The following TYW1 variants were observed in gnomAD, a reference collection of about 807,000 sequenced individuals.
The protein encoded by TYW1 is S-adenosyl-L-methionine-dependent tRNA 4-demethylwyosine synthase TYW1.
TYW1 carries 46 observed loss-of-function variants against 96.2 expected under a neutral mutation model. The observed-to-expected ratio is 0.48, with a 90% CI of 0.38 to 0.61. The LOEUF is 0.61. Among genes scored for constraint, TYW1 ranks in the 20% least tolerant of loss-of-function variants. The pLI, the probability that TYW1 is intolerant of heterozygous loss-of-function variation, is 0.00. For synonymous variants in TYW1, 274 were observed against 323.0 expected (o/e 0.85, Z 1.63); for missense variants, 684 against 909.6 (o/e 0.75, Z 3.19).
At chr7:67,038,386 T>A (rs1742469992) in intron 7 of TYW1, among the ~76,000 whole-genome samples, 1 of 150,846 alleles carries the variant, frequency 6.6e-6, no homozygotes, top group African/African-American at 2.4e-5. Flanking sequence ...TGGGTGGATC[T>A]CTTGACCCCT....
At chr7:67,191,167 C>T (rs1424742878) in intron 14 of TYW1, among the ~76,000 whole-genome samples, 3 of 152,292 alleles carry the variant, frequency 2.0e-5, no homozygotes, top group African/African-American at 7.2e-5. Flanking sequence ...GACAGAGAGA[C>T]AGACAGATGG....
chr7:67,130,379 AAAAC>A (rs59745671), intron 13 of TYW1, among the ~76,000 whole-genome samples: 41,528 of 150,630 alleles, frequency 0.28, 6,505 homozygotes, highest in African/African-American at 0.44. Context: ...TCCATCTCAA[AAAAC>A]AAACAGATGG....
chr7:67,147,184 A>G (rs1285096040), intron 13 of TYW1, among the ~76,000 whole-genome samples: 1 of 152,200 alleles, frequency 6.6e-6, no homozygotes, highest in Admixed American at 6.5e-5. Flanking sequence ...AAAAATAACA[A>G]TACAACAGTA....
chr7:67,214,717 A>G (rs1462423762), intron 15 of TYW1, among the ~76,000 whole-genome samples: 3 of 150,864 alleles, frequency 2.0e-5, no homozygotes, highest in Non-Finnish European at 4.4e-5. Flanking sequence ...TAAATCAGTT[A>G]CAATTTTGTC....
chr7:67,046,695 T>C (rs1418395837), intron 7 of TYW1, among the ~76,000 whole-genome samples: 1 of 152,196 alleles, frequency 6.6e-6, no homozygotes, highest in African/African-American at 2.4e-5. Context: ...TGCGGAGTGT[T>C]ATAAACCATT....
At chr7:67,040,047 C>T (rs1794965810) in intron 7 of TYW1, among the ~76,000 whole-genome samples, 1 of 151,916 alleles carries the variant, frequency 6.6e-6, no homozygotes. Flanking sequence ...GCCTCCGCCT[C>T]CTGGGTTCAA....
At chr7:67,209,480 AG>A (rs199945016) in intron 15 of TYW1, among the ~76,000 whole-genome samples, 5 of 152,246 alleles carry the variant, frequency 3.3e-5, no homozygotes, top group African/African-American at 9.6e-5. Flanking sequence ...AGCGGGTCAC[AG>A]GCCAGTGGAA....
At chr7:67,142,890 A>G (rs1245565995) in intron 13 of TYW1, among the ~76,000 whole-genome samples, 4 of 152,068 alleles carry the variant, frequency 2.6e-5, no homozygotes, top group Middle Eastern at 3.2e-3. Flanking sequence ...CATCTCTACT[A>G]AAAACACAAA....
chr7:67,187,086 T>C (rs1245237337), intron 14 of TYW1, among the ~76,000 whole-genome samples: 1 of 132,892 alleles, frequency 7.5e-6, no homozygotes, highest in Non-Finnish European at 1.6e-5. Context: ...TTTTTTGAGA[T>C]AGGGTCTTAC....
chr7:67,220,586 T>G (rs758631370), intron 15 of TYW1, among the ~76,000 whole-genome samples: 4 of 152,124 alleles, frequency 2.6e-5, no homozygotes, highest in Non-Finnish European at 5.9e-5. Context: ...CTAGGCCTAA[T>G]TGGTAGCCTA....
intron 10 of TYW1, among the ~76,000 whole-genome samples, chr7:67,072,600 CAGAG>C (rs1796062946): frequency 6.6e-6 from 1 of 151,978 alleles, no homozygotes; most frequent in Non-Finnish European, 1.5e-5. Flanking sequence ...TTAACATAAG[CAGAG>C]AGAGAACAAT....
At position 67,239,383 on chromosome 7, in the gene TYW1, A is replaced by G; in HGVS notation, c.*854A>G. On this transcript the variant is annotated 3_prime_UTR_variant, in exon 16 of 16. Transcript: ENST00000359626. ...CCTGTGGCCCTGGCTGCTTTACACA[A>G]TCTGTTCTATAAGGTTCAGGTGTTT... 1 of 984,886 alleles carries G rather than the reference A, an allele frequency of 1.0e-6. No homozygotes were observed. The highest frequency in any genetic ancestry group is 1.2e-6 in the Non-Finnish European group (1 of 829,452). The allele number at this position is 984,886 out of a possible 1,614,324, so 61.0% of individuals were successfully genotyped here.
chr7:67,162,230 C>T (rs1349816090), intron 13 of TYW1, among the ~76,000 whole-genome samples: 1 of 148,928 alleles, frequency 6.7e-6, no homozygotes, highest in South Asian at 2.1e-4. Flanking sequence ...AGGAGAATGG[C>T]GTGAACCCGG....
chr7:67,188,679 G>C (rs1009749502), intron 14 of TYW1, among the ~76,000 whole-genome samples: 1 of 152,112 alleles, frequency 6.6e-6, no homozygotes, highest in Non-Finnish European at 1.5e-5. Context: ...TTCCCTACCC[G>C]TGCGTTTGGT....
At chr7:67,072,594 CAT>C (rs1796062728) in intron 10 of TYW1, among the ~76,000 whole-genome samples, 1 of 151,992 alleles carries the variant, frequency 6.6e-6, no homozygotes, top group African/African-American at 2.4e-5. Flanking sequence ...TTTTTTTTAA[CAT>C]AAGCAGAGAG....
intron 13 of TYW1, among the ~76,000 whole-genome samples, chr7:67,135,957 A>G (rs1188096247): frequency 6.6e-6 from 1 of 152,228 alleles, no homozygotes; most frequent in African/African-American, 2.4e-5. Context: ...ACCTCTTACT[A>G]AATTCTGGTA....
intron 13 of TYW1, among the ~76,000 whole-genome samples, chr7:67,166,263 AAACG>A: frequency 7.6e-5 from 6 of 78,724 alleles, no homozygotes; most frequent in African/African-American, 4.1e-4. Flanking sequence ...AACAAAAAAC[AAACG>A]AAAAGACTTT....
chr7:67,005,216 T>G (rs1447805873), intron 3 of TYW1, among the ~76,000 whole-genome samples: 1 of 152,200 alleles, frequency 6.6e-6, no homozygotes, highest in African/African-American at 2.4e-5. Flanking sequence ...TCATTTCGAC[T>G]GGAGAATCTG....
intron 14 of TYW1, among the ~76,000 whole-genome samples, chr7:67,188,642 C>T (rs936216047): frequency 2.0e-5 from 3 of 152,132 alleles, no homozygotes; most frequent in African/African-American, 7.2e-5. Context: ...AACTTACCCA[C>T]GGACACAGTA....
Sources: gnomAD v4.1 joint callset for allele counts (sites outside exome capture counted in the v4.1 genomes callset) on GRCh38, gnomAD v4.1.1 for gene constraint, MANE v1.5 for transcripts, NCBI Gene and HGNC (gene_info 2026-07-23, HGNC 2026-07-21) for gene names.